DAPK2: variants seen among roughly 807,000 people sequenced by gnomAD.
DAPK2 encodes death associated protein kinase 2.
DAPK2 carries 35 observed loss-of-function variants against 44.1 expected under a neutral mutation model. That is an observed-to-expected ratio of 0.79 (90% CI 0.61 to 1.05). The LOEUF (loss-of-function observed/expected upper bound fraction) is 1.05. Ranked by LOEUF, DAPK2 falls within the 50% of genes least tolerant of loss-of-function variation. The pLI is 0.00. For synonymous variants in DAPK2, 174 were observed against 182.6 expected (o/e 0.95, Z 0.38); for missense variants, 453 against 483.2 (o/e 0.94, Z 0.59).
At chr15:63,921,758 C>T (rs1273896935) in intron 8 of DAPK2, 2 of 152,218 alleles carry the variant, frequency 1.3e-5, no homozygotes, top group East Asian at 3.8e-4. Context: ...ATTCTCGACA[C>T]AGAGTTGGGG....
At chr15:64,027,428 G>A (rs2079880782) in intron 1 of DAPK2, among the ~76,000 whole-genome samples, 1 of 151,678 alleles carries the variant, frequency 6.6e-6, no homozygotes, top group African/African-American at 2.4e-5. Context: ...AATTAGCCAG[G>A]TATGGTGGCA....
chr15:63,939,254 A>G lies in DAPK2; in HGVS notation c.561T>C (p.Ile187=). The change falls in exon 4 of 11, where the codon ATT becomes ATC. Residue 187 remains isoleucine, a synonymous_variant. Transcript: ENST00000261891. This position sits in a 1 kb window ranked among gnomAD's most constrained non-coding sequence, Gnocchi z 4.3. ...CACCAACAAATTCCGGCGTCCCAAA[A>G]ATATTCTTAAATTCAACTCCATCTT... is the stretch of plus-strand genomic sequence containing the variant. 4 of 1,614,034 alleles carry G rather than the reference A, an allele frequency of 2.5e-6. No homozygotes were observed. The highest frequency in any genetic ancestry group is 3.4e-6 in the Non-Finnish European group (4 of 1,179,992).
chr15:63,952,729 A>G (rs919276665), intron 3 of DAPK2, among the ~76,000 whole-genome samples: 3 of 152,088 alleles, frequency 2.0e-5, no homozygotes, highest in African/African-American at 7.2e-5. Context: ...TGATACAGGC[A>G]TACAATGCAT....
intron 1 of DAPK2, among the ~76,000 whole-genome samples, chr15:63,992,762 G>A (rs550747401): frequency 2.6e-5 from 4 of 152,274 alleles, no homozygotes; most frequent in Admixed American, 6.5e-5. Context: ...GGGACCAGTC[G>A]GGCTCAGTTG....
In DAPK2 at chr15:63,990,029, CT is replaced by C. The variant is rs2078774515; in HGVS notation, c.93-6276del. On this transcript the variant is annotated intron_variant, in intron 1 of 10. Coordinates refer to ENST00000261891, the Ensembl canonical transcript of DAPK2. This position sits in a 1 kb window ranked among gnomAD's most constrained non-coding sequence, Gnocchi z 4.3. ...TAAATTCTCAAAAGGCAATATACCC[CT>C]TACGGCCTGCATCAAGGTAGACCAC... Among the ~76,000 whole-genome samples the C allele has an allele frequency of 6.6e-6, 1 of 152,102 alleles. No homozygotes were observed. Among genetic ancestry groups the C allele is most frequent in the Non-Finnish European group, 1.5e-5 (1 of 68,024 alleles).
chr15:63,947,497 T>A (rs923999463), intron 3 of DAPK2, among the ~76,000 whole-genome samples: 1 of 152,184 alleles, frequency 6.6e-6, no homozygotes, highest in Non-Finnish European at 1.5e-5. Flanking sequence ...TTGGAGAATA[T>A]AGATAATGGC....
chr15:63,957,201 G>A (rs1299060440), intron 3 of DAPK2, among the ~76,000 whole-genome samples: 1 of 152,056 alleles, frequency 6.6e-6, no homozygotes, highest in African/African-American at 2.4e-5. Flanking sequence ...TTTTTATCCT[G>A]AAATCTATTT....
Position 63,997,481 on chromosome 15 carries a change from C to T in DAPK2, c.93-13727G>A, listed in dbSNP as rs1310913969. ...AAGTAGCTGGGACTACATGTGCCCG[C>T]CACCATGCCTAACTAATTTTTGTAT... On this transcript the variant is annotated intron_variant, in intron 1 of 10. Coordinates refer to ENST00000261891, the Ensembl canonical transcript of DAPK2. 2.0e-5 allele frequency among the ~76,000 whole-genome samples: 3 copies of T among 152,310 alleles called. No individual in the cohort carries two copies. In the East Asian group the frequency reaches 5.8e-4, roughly 29 times the overall value.
At chr15:64,023,651 T>C (rs332279) in intron 1 of DAPK2, among the ~76,000 whole-genome samples, 143,077 of 152,224 alleles carry the variant, frequency 0.94, 67,919 homozygotes, top group East Asian at 1. Context: ...TAAAAAATAC[T>C]GATGCCAGGG....
chr15:64,003,018 T>G (rs1362265948), intron 1 of DAPK2, among the ~76,000 whole-genome samples: 9 of 64,870 alleles, frequency 1.4e-4, no homozygotes, highest in East Asian at 2.6e-3. Context: ...GTGTGTGTCG[T>G]GGGACCAGAG....
intron 5 of DAPK2, 79 bp from the exon 7 acceptor site, chr15:63,929,656 G>C (rs1362567831): frequency 4.4e-6 from 7 of 1,578,626 alleles, no homozygotes; most frequent in Non-Finnish European, 6.1e-6. Flanking sequence ...ATGGATCTAA[G>C]GGGAAGAGGT....
rs979668840 is a variant in DAPK2 at position 63,969,417 on chromosome 15, C to G, written c.453+2006G>C. 4.6e-5 allele frequency among the ~76,000 whole-genome samples: 7 copies of G among 151,214 alleles called. No individual in the cohort carries two copies. In the East Asian group the frequency reaches 1.4e-3, roughly 30 times the overall value. On this transcript the variant is annotated intron_variant, in intron 3 of 10. Coordinates refer to ENST00000261891, the Ensembl canonical transcript of DAPK2. ...CCTGGGTGACAGAGTGAGACCCTGTCCCCCCCAAAAAGAAACACCAAAAAC... is the reference window on the plus strand; with the variant it reads ...CCTGGGTGACAGAGTGAGACCCTGTGCCCCCCAAAAAGAAACACCAAAAAC...
At chr15:63,999,600 G>A (rs2079031931) in intron 1 of DAPK2, among the ~76,000 whole-genome samples, 2 of 151,988 alleles carry the variant, frequency 1.3e-5, no homozygotes, top group South Asian at 2.1e-4. Flanking sequence ...AAACTTTTTA[G>A]CAGAATAATG....
At chr15:63,998,918 A>G (rs977426484) in intron 1 of DAPK2, among the ~76,000 whole-genome samples, 3 of 152,222 alleles carry the variant, frequency 2.0e-5, no homozygotes, top group Non-Finnish European at 4.4e-5. Context: ...CGGAAGAACC[A>G]CCAAATATTG....
intron 3 of DAPK2, among the ~76,000 whole-genome samples, chr15:63,951,766 T>C (rs2077594462): frequency 1.3e-5 from 2 of 152,198 alleles, no homozygotes; most frequent in Non-Finnish European, 2.9e-5. Context: ...CTGCAATCTC[T>C]TCTGTATTTT....
chr15:64,020,420 G>C lies in DAPK2; in HGVS notation c.92+19750C>G, dbSNP rs748963171. On this transcript the variant is annotated intron_variant, in intron 1 of 10. Transcript: ENST00000261891. The surrounding 1 kb of genome is among the most constrained non-coding windows in gnomAD (Gnocchi z 4.5). ...AATTTCACAGGGGTCTTCCCCAAGAGTGGCATGTTCTCTTGCAGTAATGAT... is the reference window on the plus strand; with the variant it reads ...AATTTCACAGGGGTCTTCCCCAAGACTGGCATGTTCTCTTGCAGTAATGAT... 7.9e-5 allele frequency among the ~76,000 whole-genome samples: 12 copies of C among 152,210 alleles called. No individual in the cohort carries two copies. The highest frequency in any genetic ancestry group is 6.2e-4 in the South Asian group (3 of 4,826).
At chr15:63,926,926 T>C (rs1283527657) in intron 6 of DAPK2, among the ~76,000 whole-genome samples, 2 of 152,184 alleles carry the variant, frequency 1.3e-5, no homozygotes, top group African/African-American at 4.8e-5. Flanking sequence ...ATTTACTAAA[T>C]ATCTCTTGAA....
At position 64,013,297 on chromosome 15, in the gene DAPK2, T is replaced by C. The variant is rs181130983; in HGVS notation, c.92+26873A>G. Reference sequence around the variant, plus strand: ...TTATCTTTATACAAGGGTTAAGATCTTGTTCTTCATTACTGAGATTTTAAG... The same window carrying C: ...TTATCTTTATACAAGGGTTAAGATCCTGTTCTTCATTACTGAGATTTTAAG... On this transcript the variant is annotated intron_variant, in intron 1 of 10. Transcript: ENST00000261891. This position sits in a 1 kb window ranked among gnomAD's most constrained non-coding sequence, Gnocchi z 4.7. Among the ~76,000 whole-genome samples, 1 of 152,262 alleles carries C rather than the reference T, an allele frequency of 6.6e-6. No individual in the cohort carries two copies. Among genetic ancestry groups the C allele is most frequent in the Admixed American group, 6.5e-5 (1 of 15,290 alleles).
chr15:64,026,852 A>G (rs1376185980), intron 1 of DAPK2, among the ~76,000 whole-genome samples: 2 of 152,250 alleles, frequency 1.3e-5, no homozygotes, highest in Admixed American at 1.3e-4. Context: ...TGGGTCGGGT[A>G]GAGTCTCTGA....
Sources: gnomAD v4.1 joint callset for allele counts (sites outside exome capture counted in the v4.1 genomes callset) on GRCh38, gnomAD v4.1.1 for gene constraint, Gnocchi (gnomAD v3.1) non-coding constraint, MANE v1.5 for transcripts, NCBI Gene and HGNC (gene_info 2026-07-23, HGNC 2026-07-21) for gene names.